CCDC13: variants seen among roughly 807,000 people sequenced by gnomAD.
CCDC13 encodes coiled-coil domain-containing protein 13.
In CCDC13, 70 loss-of-function variants were observed where a neutral mutation model predicts 87.3. The observed-to-expected ratio is 0.80, with a 90% CI of 0.66 to 0.98. The LOEUF (loss-of-function observed/expected upper bound fraction) is 0.98, where lower values mean the gene tolerates loss of function less well. CCDC13 is among the 50% of genes least tolerant of loss of function. The pLI, the probability that CCDC13 is intolerant of heterozygous loss-of-function variation, is 0.00. For missense variants in CCDC13, 842 were observed against 892.0 expected, an observed-to-expected ratio of 0.94 and a Z score of 0.71; for synonymous variants, 317 against 360.3, an observed-to-expected ratio of 0.88 and a Z score of 1.36.
intron 15 of CCDC13, 78 bp from the exon 16 acceptor site, chr3:42,709,217 G>A: frequency 6.9e-7 from 1 of 1,445,064 alleles, no homozygotes; most frequent in Non-Finnish European, 9.3e-7. Flanking sequence ...CCCTGGGAAT[G>A]TGGTTGCCAG....
chr3:42,746,511 C>A, intron 6 of CCDC13: 1 of 165,400 alleles, frequency 6.0e-6, no homozygotes. Flanking sequence ...CAAGAAGGAC[C>A]CAGCTTTGCG....
chr3:42,726,727 T>TA (rs34140766), intron 13 of CCDC13, among the ~76,000 whole-genome samples: 25,254 of 151,694 alleles, frequency 0.17, 2,204 homozygotes, highest in South Asian at 0.25. Flanking sequence ...CATGTATATA[T>TA]AAAATATATA....
At chr3:42,731,204 G>A (rs921954522) in intron 12 of CCDC13, among the ~76,000 whole-genome samples, 3 of 151,784 alleles carry the variant, frequency 2.0e-5, no homozygotes, top group East Asian at 3.9e-4. Context: ...GCTGCTCTCC[G>A]CTGTGCCCCC....
At chr3:42,741,753 G>C (rs765253003) in intron 8 of CCDC13, among the ~76,000 whole-genome samples, 1 of 152,014 alleles carries the variant, frequency 6.6e-6, no homozygotes, top group Non-Finnish European at 1.5e-5. Context: ...AACAAAAACC[G>C]TTTGGTGGTT....
intron 14 of CCDC13, among the ~76,000 whole-genome samples, chr3:42,710,081 AAGTTTCT>A (rs1698273354): frequency 1.3e-5 from 2 of 148,986 alleles, no homozygotes; most frequent in Non-Finnish European, 3.0e-5. Context: ...TATACTTTAC[AAGTTTCT>A]GGTAATTTGT....
intron 13 of CCDC13, among the ~76,000 whole-genome samples, chr3:42,728,907 C>T (rs1698753564): frequency 6.7e-6 from 1 of 148,624 alleles, no homozygotes; most frequent in African/African-American, 2.5e-5. Flanking sequence ...ACATTTCATA[C>T]CCCAGGTGCC....
chr3:42,758,454 G>A (rs1292618438), intron 1 of CCDC13, 103 bp from the exon 2 acceptor site: 9 of 1,097,672 alleles, frequency 8.2e-6, no homozygotes, highest in South Asian at 3.0e-5. Context: ...TTACTGCTTC[G>A]CGTTGCATGT....
intron 12 of CCDC13, 77 bp from the exon 13 acceptor site, chr3:42,730,666 G>A: frequency 3.2e-6 from 5 of 1,561,214 alleles, no homozygotes; most frequent in Non-Finnish European, 2.6e-6. Flanking sequence ...GATGGTTGGA[G>A]GGACTAGAAG....
At chr3:42,734,435 A>C (rs1220330096) in intron 10 of CCDC13, among the ~76,000 whole-genome samples, 1 of 152,156 alleles carries the variant, frequency 6.6e-6, no homozygotes, top group Non-Finnish European at 1.5e-5. Context: ...GATGGGGAGC[A>C]GGGTGAGTCC....
In CCDC13 at chr3:42,745,953, C is replaced by T; in HGVS notation, c.795G>A (p.Arg265=). ...TCTGCAAAACAAGAATTTGTTGAGCCCGACCCCTCCAGGTCCCTGGCGAAG... is the reference window on the plus strand; with the variant it reads ...TCTGCAAAACAAGAATTTGTTGAGCTCGACCCCTCCAGGTCCCTGGCGAAG... ...LLSSPGTWRG[R]AQQILVLQSK... Residue 265 remains arginine (R), a synonymous_variant, in exon 7 of 16, where the codon CGG becomes CGA. Transcript: ENST00000310232. 3 of 1,614,032 alleles carry T rather than the reference C, an allele frequency of 1.9e-6. No individual in the cohort carries two copies. The highest frequency in any genetic ancestry group is 2.5e-6 in the Non-Finnish European group (3 of 1,179,986).
At chr3:42,730,395 A>G in intron 13 of CCDC13, 72 bp downstream of exon 13, 1 of 1,571,054 alleles carries the variant, frequency 6.4e-7, no homozygotes, top group South Asian at 1.2e-5. Context: ...GGACCCAGTC[A>G]TAAATGAGGC....
chr3:42,729,855 A>C (rs1430890662), intron 13 of CCDC13, among the ~76,000 whole-genome samples: 1 of 152,238 alleles, frequency 6.6e-6, no homozygotes, highest in Non-Finnish European at 1.5e-5. Context: ...TGGTGTGCTT[A>C]ATATTTTTCA....
chr3:42,758,926 A>G (rs1245962619), intron 1 of CCDC13, among the ~76,000 whole-genome samples: 1 of 152,112 alleles, frequency 6.6e-6, no homozygotes, highest in Non-Finnish European at 1.5e-5. Flanking sequence ...CTTCCAGTGA[A>G]TCATCCCCCA....
intron 6 of CCDC13, chr3:42,746,946 G>A (rs1231350756): frequency 2.1e-6 from 1 of 480,626 alleles, no homozygotes; most frequent in East Asian, 4.2e-5. Context: ...GTGCAGGGAA[G>A]GCTTAATGGA....
intron 9 of CCDC13, 40 bp from the exon 10 acceptor site, chr3:42,735,953 G>A (rs1699001281): frequency 6.3e-7 from 1 of 1,576,998 alleles, no homozygotes; most frequent in Admixed American, 1.8e-5. Flanking sequence ...GTCAGTCATG[G>A]CCCTTTGGGC....
At chr3:42,746,228 G>C in intron 6 of CCDC13, 1 of 547,758 alleles carries the variant, frequency 1.8e-6, no homozygotes, top group South Asian at 2.3e-5. Context: ...CATCATCCCT[G>C]GCATTTCTTG....
Position 42,708,541 on chromosome 3 carries a change from G to A in CCDC13, c.*439C>T, listed in dbSNP as rs1338298328. The A allele has an allele frequency of 6.4e-6, 1 of 155,686 alleles. No individual in the cohort carries two copies. The highest frequency in any genetic ancestry group is 6.5e-5 in the Admixed American group (1 of 15,358). 9.6% of individuals were successfully genotyped at this position (155,686 alleles called of 1,614,324 possible). A position where few individuals can be genotyped will look rare whatever the true frequency, so the allele number is the denominator to read the frequency against. On this transcript the variant is annotated 3_prime_UTR_variant, in exon 16 of 16. Coordinates refer to ENST00000310232, the MANE Select transcript of CCDC13 (RefSeq NM_144719.4). ...GATGGAGCCGGGATGGGGGTGAGGG[G>A]ATAGGGCAGGGCTGAGTGGCATGGG...
chr3:42,742,036 C>T (rs1472524081), intron 8 of CCDC13, among the ~76,000 whole-genome samples: 1 of 152,238 alleles, frequency 6.6e-6, no homozygotes, highest in Non-Finnish European at 1.5e-5. Context: ...TATGGCCTGC[C>T]TGCACCTCTT....
At chr3:42,770,829 T>A (rs1347784271) in intron 1 of CCDC13, 1 of 152,382 alleles carries the variant, frequency 6.6e-6, no homozygotes, top group Non-Finnish European at 1.5e-5. Context: ...ACCGCGAAGG[T>A]CTGCAGCTTC....
Sources: gnomAD v4.1 joint callset for allele counts (sites outside exome capture counted in the v4.1 genomes callset) on GRCh38, gnomAD v4.1.1 for gene constraint, MANE v1.5 for transcripts, NCBI Gene and HGNC (gene_info 2026-07-23, HGNC 2026-07-21) for gene names.